Variants in EFHC1 observed in about 807,000 individuals in gnomAD.
EFHC1 encodes EF-hand domain-containing protein 1.
In EFHC1, 53 loss-of-function variants were observed where a neutral mutation model predicts 69.9. The observed-to-expected ratio is 0.76, with a 90% CI of 0.61 to 0.95. The LOEUF is 0.95. EFHC1 is among the 40% of genes least tolerant of loss of function. EFHC1 has a pLI of 0.00. For synonymous variants in EFHC1, 256 were observed against 278.4 expected (o/e 0.92, Z 0.80); for missense variants, 739 against 798.7 (o/e 0.93, Z 0.90).
chr6:52,471,827 C>T (rs1765441645), intron 7 of EFHC1, among the ~76,000 whole-genome samples: 1 of 151,928 alleles, frequency 6.6e-6, no homozygotes, highest in African/African-American at 2.4e-5. Flanking sequence ...AAGATTGTGC[C>T]ACTGTACTCC....
At chr6:52,489,307 G>A (rs1765848503) in intron 9 of EFHC1, 1 of 152,152 alleles carries the variant, frequency 6.6e-6, no homozygotes, top group South Asian at 2.1e-4. Context: ...CCGCTGACAT[G>A]GGATCTGGGA....
intron 9 of EFHC1, chr6:52,488,116 C>T (rs1309595445): frequency 6.6e-6 from 1 of 152,192 alleles, no homozygotes; most frequent in Non-Finnish European, 1.5e-5. Context: ...GTTATTGTCT[C>T]TTTCCCCAAA....
At chr6:52,489,734 A>G (rs1351731759) in intron 9 of EFHC1, among the ~76,000 whole-genome samples, 1 of 152,236 alleles carries the variant, frequency 6.6e-6, no homozygotes. Context: ...ATAGCTATAT[A>G]TTTATATCTA....
chr6:52,479,710 C>CCAGT lies in EFHC1; in HGVS notation c.1564_1567dup (p.Tyr523SerfsTer30). ...TGAAATACATGGAGAGCAACGCTGC[C>CCAGT]CAGTATTCACCAGAAGCACTCGCGT... On this transcript the variant is annotated frameshift_variant, in exon 9 of 11. Transcript: ENST00000371068. LOFTEE classifies it high-confidence loss of function. 6.2e-7 allele frequency: 1 copy of CCAGT among 1,614,156 alleles called. No homozygotes were observed. The highest frequency in any genetic ancestry group is 1.7e-5 in the Admixed American group (1 of 60,028).
At position 52,479,195 on chromosome 6, in the gene EFHC1, G is replaced by A; in HGVS notation, c.1437G>A (p.Val479=). 6.2e-7 allele frequency: 1 copy of A among 1,614,078 alleles called. No individual in the cohort carries two copies. The highest frequency in any genetic ancestry group is 8.5e-7 in the Non-Finnish European group (1 of 1,179,976). ...RTKVVKPYST[V]DNPVYYGPSD... is the part of the protein sequence containing the mutation. Reference sequence around the variant, plus strand: ...AAGTTGTTAAACCATACTCTACAGTGGACAACCCTGTCTACTATGGCCCCA... The same window carrying A: ...AAGTTGTTAAACCATACTCTACAGTAGACAACCCTGTCTACTATGGCCCCA... Residue 479 remains valine (V), a synonymous_variant, in exon 8 of 11, where the codon GTG becomes GTA. Transcript: ENST00000371068.
intron 2 of EFHC1, among the ~76,000 whole-genome samples, chr6:52,436,026 T>C (rs1471761329): frequency 6.6e-6 from 1 of 152,214 alleles, no homozygotes; most frequent in Non-Finnish European, 1.5e-5. Flanking sequence ...GGGTCTCAGT[T>C]TCCTCCTTTA....
intron 2 of EFHC1, among the ~76,000 whole-genome samples, chr6:52,435,375 C>T (rs1053821688): frequency 2.0e-4 from 30 of 152,246 alleles, no homozygotes; most frequent in African/African-American, 5.8e-4. Context: ...TTTACTTCTT[C>T]CCCTAAACCC....
chr6:52,493,352 TTC>T lies in EFHC1; in HGVS notation c.*1021_*1022del, dbSNP rs1562467492. ...TGAGCAATTTCTTATAACTCTCTCT[TTC>T]TCTCTCTCTACATATATATATATAT... On this transcript the variant is annotated 3_prime_UTR_variant, in exon 11 of 11. Transcript: ENST00000371068. 1.8e-5 allele frequency: 5 copies of T among 277,792 alleles called. No homozygotes were observed. The highest frequency in any genetic ancestry group is 6.9e-5 in the South Asian group (3 of 43,250). 17.2% of individuals were successfully genotyped at this position (277,792 alleles called of 1,614,324 possible).
chr6:52,454,752 T>C (rs1253135679), intron 5 of EFHC1, among the ~76,000 whole-genome samples: 2 of 152,142 alleles, frequency 1.3e-5, no homozygotes, highest in African/African-American at 2.4e-5. Context: ...CTCATAGAGG[T>C]GAGGTCCATT....
chr6:52,447,820 A>C (rs1764820665), intron 3 of EFHC1, among the ~76,000 whole-genome samples: 1 of 152,176 alleles, frequency 6.6e-6, no homozygotes, highest in South Asian at 2.1e-4. Flanking sequence ...GGTCTGTTGG[A>C]GTCTGCTGGA....
chr6:52,453,124 A>G (rs1434700379), intron 4 of EFHC1: 1 of 1,410,426 alleles, frequency 7.1e-7, no homozygotes, highest in Non-Finnish European at 9.4e-7. Context: ...TCTGCTTCCC[A>G]CCTTACGTTT....
chr6:52,424,805 G>T (rs9367483), intron 2 of EFHC1, among the ~76,000 whole-genome samples: 2,293 of 152,226 alleles, frequency 0.015, 43 homozygotes, highest in South Asian at 0.095. Context: ...CCCTAGCCCT[G>T]ACCATGTAGC....
chr6:52,423,690 T>TTG, intron 1 of EFHC1: 3 of 567,588 alleles, frequency 5.3e-6, no homozygotes, highest in Admixed American at 3.5e-5. Context: ...TTTTTAGTTT[T>TTG]TGTAGAGACA....
chr6:52,495,583 G>C lies in EFHC1; in HGVS notation c.*3242G>C. On this transcript the variant is annotated 3_prime_UTR_variant, in exon 11 of 11. Coordinates refer to ENST00000371068, the MANE Select transcript of EFHC1 (RefSeq NM_018100.4). ...CCTCTAGCCTGCTTTTGGCTGTTTTGTTTTGTTTTTGTGTTTGTTTTTTAG... is the reference window on the plus strand; with the variant it reads ...CCTCTAGCCTGCTTTTGGCTGTTTTCTTTTGTTTTTGTGTTTGTTTTTTAG... The C allele has an allele frequency of 2.2e-6, 1 of 454,036 alleles. No individual in the cohort carries two copies. The highest frequency in any genetic ancestry group is 4.4e-6 in the Non-Finnish European group (1 of 226,770). 28.1% of individuals were successfully genotyped at this position (454,036 alleles called of 1,614,324 possible).
intron 3 of EFHC1, among the ~76,000 whole-genome samples, chr6:52,447,413 C>T (rs1161141368): frequency 6.6e-6 from 1 of 152,194 alleles, no homozygotes; most frequent in South Asian, 2.1e-4. Flanking sequence ...TCAGCTCCAT[C>T]AGGTCATGTA....
rs1765631112 is a variant in EFHC1, at chr6:52,479,706, C to CA, written c.1559_1560insA (p.Ala521CysfsTer31). ...GTTTTGAAATACATGGAGAGCAACG[C>CA]TGCCCAGTATTCACCAGAAGCACTC... On this transcript the variant is annotated frameshift_variant, in exon 9 of 11. Coordinates refer to ENST00000371068, the MANE Select transcript of EFHC1 (RefSeq NM_018100.4). LOFTEE classifies it high-confidence loss of function. 6.2e-7 allele frequency: 1 copy of CA among 1,614,104 alleles called. No individual in the cohort carries two copies. The highest frequency in any genetic ancestry group is 8.5e-7 in the Non-Finnish European group (1 of 1,180,052).
intron 7 of EFHC1, among the ~76,000 whole-genome samples, chr6:52,473,187 A>T (rs1196056887): frequency 2.0e-5 from 3 of 152,300 alleles, no homozygotes; most frequent in East Asian, 3.9e-4. Context: ...TGGTGCAAGG[A>T]TAAACAAACC....
rs766444850 is a variant in EFHC1 at position 52,438,582 on chromosome 6, A to G, written c.564A>G (p.Gln188=). Residue 188 remains glutamine (Q), a synonymous_variant, in exon 3 of 11, where the codon CAA becomes CAG. Transcript: ENST00000371068. ...GKTFRVVDCD[Q]FTQVFLESQG... ...CTTTCCGCGTTGTTGACTGTGACCAATTCACACAGGTATAGCATATATTTT... is the reference window on the plus strand; with the variant it reads ...CTTTCCGCGTTGTTGACTGTGACCAGTTCACACAGGTATAGCATATATTTT... The G allele has an allele frequency of 9.3e-6, 15 of 1,613,888 alleles. No individual in the cohort carries two copies. Among genetic ancestry groups the G allele is most frequent in the East Asian group, 6.7e-5 (3 of 44,900 alleles).
intron 5 of EFHC1, among the ~76,000 whole-genome samples, chr6:52,464,540 A>G (rs1277580103): frequency 1.3e-5 from 2 of 152,226 alleles, no homozygotes; most frequent in Admixed American, 1.3e-4. Context: ...TTTGAGCTAA[A>G]TGACTTGGAT....
Sources: allele counts gnomAD v4.1 joint callset (sites outside exome capture counted in the v4.1 genomes callset), GRCh38; gene constraint gnomAD v4.1.1; transcripts MANE v1.5; gene names NCBI Gene and HGNC (gene_info 2026-07-23, HGNC 2026-07-21).